The following ADAM23 variants were observed in gnomAD, a reference collection of about 807,000 sequenced individuals.
ADAM23 encodes the protein ADAM metallopeptidase domain 23, also known as disintegrin and metalloproteinase domain-containing protein 23.
Under a neutral mutation model 120.1 loss-of-function variants are expected in ADAM23, and 33 were observed. That is an observed-to-expected ratio of 0.27 (90% CI 0.21 to 0.37). ADAM23 has a LOEUF of 0.37. Among genes scored for constraint, ADAM23 ranks in the 10% least tolerant of loss-of-function variants. ADAM23 has a pLI of 1.00. For synonymous variants in ADAM23, 367 were observed against 375.2 expected, an observed-to-expected ratio of 0.98 and a Z score of 0.25; for missense variants, 862 against 1,058.2, an observed-to-expected ratio of 0.81 and a Z score of 2.57.
At chr2:206,524,828 A>T (rs565286564) in intron 3 of ADAM23, among the ~76,000 whole-genome samples, 18 of 152,316 alleles carry the variant, frequency 1.2e-4, no homozygotes, top group African/African-American at 2.9e-4. Flanking sequence ...TTGGGTGAGG[A>T]CACAGCCAAA....
intron 3 of ADAM23, among the ~76,000 whole-genome samples, chr2:206,505,701 C>G (rs2105896545): frequency 6.6e-6 from 1 of 152,256 alleles, no homozygotes; most frequent in South Asian, 2.1e-4. Context: ...AAGGCCCTAC[C>G]TTCAACATTG....
At chr2:206,617,264 C>G (rs918773499) in intron 25 of ADAM23, among the ~76,000 whole-genome samples, 1 of 152,128 alleles carries the variant, frequency 6.6e-6, no homozygotes, top group African/African-American at 2.4e-5. Flanking sequence ...AATGAATTAG[C>G]AGTGTGATTA....
intron 18 of ADAM23, among the ~76,000 whole-genome samples, chr2:206,579,046 G>T (rs889936876): frequency 2.0e-5 from 3 of 151,890 alleles, no homozygotes; most frequent in Non-Finnish European, 4.4e-5. Flanking sequence ...CTTCTTTTGA[G>T]AATTGTCTAT....
At chr2:206,590,477 A>G (rs767458556) in intron 21 of ADAM23, among the ~76,000 whole-genome samples, 3 of 152,218 alleles carry the variant, frequency 2.0e-5, no homozygotes, top group Non-Finnish European at 4.4e-5. Context: ...ACTGTGGAAC[A>G]ATGGAATCAT....
chr2:206,536,217 G>A (rs895461590), intron 4 of ADAM23, among the ~76,000 whole-genome samples: 4 of 150,850 alleles, frequency 2.7e-5, no homozygotes, highest in African/African-American at 7.3e-5. Context: ...ATTCCATTGC[G>A]TGTGTGTTTG....
intron 2 of ADAM23, among the ~76,000 whole-genome samples, chr2:206,458,891 T>C (rs1429127946): frequency 1.3e-5 from 2 of 152,168 alleles, no homozygotes; most frequent in East Asian, 3.8e-4. Context: ...ACAAATAGAA[T>C]AGGACATAGA....
chr2:206,605,913 G>C (rs1459974223), intron 24 of ADAM23: 5 of 639,898 alleles, frequency 7.8e-6, no homozygotes, highest in Non-Finnish European at 1.4e-5. Flanking sequence ...GAGTGTTTCT[G>C]TGTGGTGCCT....
At chr2:206,534,042 T>A (rs931563612) in intron 4 of ADAM23, among the ~76,000 whole-genome samples, 1 of 152,234 alleles carries the variant, frequency 6.6e-6, no homozygotes, top group Non-Finnish European at 1.5e-5. Flanking sequence ...GGGATATAAC[T>A]TATGTATCAT....
Position 206,570,727 on chromosome 2 carries a change from C to G in ADAM23, c.1495-13C>G. ...ATTGAAACATTTTTCCCTTCTGTCC[C>G]TAATCTCTTTAGCTATTTGAGCCCA... On this transcript the variant is annotated splice_polypyrimidine_tract_variant and intron_variant, in intron 15 of 25. Transcript: ENST00000264377. The G allele has an allele frequency of 4.3e-6, 7 of 1,612,058 alleles. No homozygotes were observed. The highest frequency in any genetic ancestry group is 5.9e-6 in the Non-Finnish European group (7 of 1,178,264).
intron 3 of ADAM23, among the ~76,000 whole-genome samples, chr2:206,504,592 G>GA (rs1696457612): frequency 1.3e-5 from 2 of 152,020 alleles, no homozygotes; most frequent in African/African-American, 4.8e-5. Flanking sequence ...TCTGAAATCT[G>GA]GAAAACAAAG....
chr2:206,571,828 G>C lies in ADAM23; in HGVS notation c.1656+12G>C, dbSNP rs1207603228. On this transcript the variant is annotated intron_variant, in intron 17 of 25. Transcript: ENST00000264377. ...ATACCTCATGTCTTGTGAGTTTTCT[G>C]ACAGTTTCATCTTTCTTTTAATTGA... 4.3e-6 allele frequency: 7 copies of C among 1,609,792 alleles called. No individual in the cohort carries two copies. The highest frequency in any genetic ancestry group is 6.0e-6 in the Non-Finnish European group (7 of 1,176,120).
At chr2:206,476,636 C>T (rs977262173) in intron 2 of ADAM23, among the ~76,000 whole-genome samples, 5 of 152,102 alleles carry the variant, frequency 3.3e-5, no homozygotes, top group Admixed American at 1.3e-4. Context: ...CCACCCCATC[C>T]GTGGAAAAAT....
At chr2:206,520,669 A>G (rs890544846) in intron 3 of ADAM23, among the ~76,000 whole-genome samples, 5 of 152,082 alleles carry the variant, frequency 3.3e-5, no homozygotes, top group African/African-American at 1.2e-4. Flanking sequence ...TGCTGCTAAC[A>G]TTAATTACTT....
chr2:206,550,884 AGCCACCGC>A (rs1697511113), intron 9 of ADAM23, among the ~76,000 whole-genome samples: 1 of 152,222 alleles, frequency 6.6e-6, no homozygotes, highest in Non-Finnish European at 1.5e-5. Context: ...TACAGGCGTG[AGCCACCGC>A]GCCCGGCGAC....
Position 206,587,369 on chromosome 2 carries a change from A to G in ADAM23, c.1782A>G (p.Gln594=). The G allele has an allele frequency of 1.9e-6, 3 of 1,606,842 alleles. No homozygotes were observed. Among genetic ancestry groups the G allele is most frequent in the Non-Finnish European group, 2.6e-6 (3 of 1,176,194 alleles). Residue 594 remains glutamine (Q), a synonymous_variant, in exon 19 of 26, where the codon CAA becomes CAG. Transcript: ENST00000264377. ...AGCAAGACGGATATGCATGCAATCA[A>G]AATCAGGTATGCTGGGCTATAAATT... ...LHKQDGYACN[Q]NQGRCYNGEC... is the part of the protein sequence containing the mutation.
At chr2:206,477,888 A>AT (rs1231889866) in intron 2 of ADAM23, among the ~76,000 whole-genome samples, 42 of 110,892 alleles carry the variant, frequency 3.8e-4, no homozygotes, top group East Asian at 1.2e-3. Context: ...GTTAAAAAAA[A>AT]AAAAAAAAAA....
chr2:206,594,199 TTAGAA>T (rs143574510), intron 22 of ADAM23, among the ~76,000 whole-genome samples: 341 of 152,178 alleles, frequency 2.2e-3, no homozygotes, highest in Middle Eastern at 0.01. Context: ...GACACAATTC[TTAGAA>T]TATTATCCCC....
At position 206,612,385 on chromosome 2, in the gene ADAM23, T is replaced by C. The variant is rs748894106; in HGVS notation, c.2450+2385T>C. ...TGAAAGCCTTTGGGTTTGAGTTCAATGTAAATGTTTAAAAAGAAATTCCTT... is the reference window on the plus strand; with the variant it reads ...TGAAAGCCTTTGGGTTTGAGTTCAACGTAAATGTTTAAAAAGAAATTCCTT... On this transcript the variant is annotated intron_variant, in intron 25 of 25. Transcript: ENST00000264377. Among the ~76,000 whole-genome samples the C allele has an allele frequency of 4.6e-4, 70 of 152,328 alleles. 1 individual carries two copies. Among genetic ancestry groups the C allele is most frequent in the Admixed American group, 9.2e-4 (14 of 15,298 alleles).
chr2:206,555,692 A>G (rs1233655825), intron 9 of ADAM23, among the ~76,000 whole-genome samples: 1 of 152,196 alleles, frequency 6.6e-6, no homozygotes, highest in African/African-American at 2.4e-5. Flanking sequence ...GTTTTCCGTG[A>G]TCATTATGCT....
Sources: allele counts gnomAD v4.1 joint callset (sites outside exome capture counted in the v4.1 genomes callset), GRCh38; gene constraint gnomAD v4.1.1; transcripts MANE v1.5; gene names NCBI Gene and HGNC (gene_info 2026-07-23, HGNC 2026-07-21).